STAU2: variants seen among roughly 807,000 people sequenced by gnomAD.
STAU2 encodes staufen double-stranded RNA binding protein 2, also known as double-stranded RNA-binding protein Staufen homolog 2.
STAU2 carries 20 observed loss-of-function variants against 65.9 expected under a neutral mutation model. That is an observed-to-expected ratio of 0.30 (90% CI 0.21 to 0.44). The LOEUF is 0.44. Ranked by LOEUF, STAU2 falls within the 20% of genes least tolerant of loss-of-function variation. STAU2 has a pLI of 1.00. For missense variants in STAU2, 558 were observed against 683.9 expected, an observed-to-expected ratio of 0.82 and a Z score of 2.05; for synonymous variants, 232 against 233.9, an observed-to-expected ratio of 0.99 and a Z score of 0.07.
Position 73,603,844 on chromosome 8 carries a change from T to C in STAU2, c.911A>G (p.Gln304Arg), listed in dbSNP as rs1414169770. ...CAGGCGGCTAATAGGGTTCATCCCTTGGCCATATTCTGGTCCGGCCTAAAA... is the reference window on the plus strand; with the variant it reads ...CAGGCGGCTAATAGGGTTCATCCCTCGGCCATATTCTGGTCCGGCCTAAAA... ...TIVKAGPEYG[Q>R]GMNPISRLAQ... The change falls in exon 10 of 15, where the codon CAA becomes CGA. Residue 304 changes from glutamine (Q) to arginine (R), a missense_variant. By Grantham distance (43) the Gln-to-Arg change is conservative. Around this residue, in one of 3 missense-constraint regions of STAU2, gnomAD observed 199 missense variants for 299.5 expected, o/e 0.66. Coordinates refer to ENST00000524300, the MANE Select transcript of STAU2 (RefSeq NM_001164380.2). The C allele has an allele frequency of 2.5e-6, 4 of 1,609,904 alleles. No individual in the cohort carries two copies. The African/African-American group carries it at 5.4e-5, about 22-fold the overall frequency.
chr8:73,507,706 A>G (rs759321455), intron 13 of STAU2, among the ~76,000 whole-genome samples: 1 of 152,202 alleles, frequency 6.6e-6, no homozygotes, highest in African/African-American at 2.4e-5. Flanking sequence ...TCTAGCTATG[A>G]AAATCCCAGA....
At chr8:73,491,570 A>T (rs1461718319) in intron 13 of STAU2, among the ~76,000 whole-genome samples, 3 of 152,012 alleles carry the variant, frequency 2.0e-5, no homozygotes, top group Non-Finnish European at 4.4e-5. Context: ...GGGTTTAGAC[A>T]TATTTTTTAA....
intron 3 of STAU2, among the ~76,000 whole-genome samples, chr8:73,729,814 A>G (rs1278252844): frequency 6.6e-6 from 1 of 152,204 alleles, no homozygotes; most frequent in Non-Finnish European, 1.5e-5. Context: ...TAGGTTATCT[A>G]ATCTGTGCAT....
intron 6 of STAU2, among the ~76,000 whole-genome samples, chr8:73,657,780 GAGGT>G (rs1816492097): frequency 6.6e-6 from 1 of 152,094 alleles, no homozygotes; most frequent in Admixed American, 6.5e-5. Flanking sequence ...TTGGGAGGCC[GAGGT>G]AGGCAGATCA....
intron 13 of STAU2, among the ~76,000 whole-genome samples, chr8:73,473,724 T>C (rs1348160465): frequency 1.3e-5 from 2 of 152,190 alleles, no homozygotes; most frequent in African/African-American, 2.4e-5. Flanking sequence ...CACCTCCTAA[T>C]ACAGCACCAT....
At chr8:73,478,044 A>AT (rs201453745) in intron 13 of STAU2, among the ~76,000 whole-genome samples, 274 of 142,088 alleles carry the variant, frequency 1.9e-3, no homozygotes, top group African/African-American at 7.5e-3. Flanking sequence ...GTATATATAT[A>AT]TATTTTTTTT....
At position 73,627,973 on chromosome 8, in the gene STAU2, C is replaced by T. The variant is rs568594487; in HGVS notation, c.411-10522G>A. On this transcript the variant is annotated intron_variant, in intron 6 of 14. Transcript: ENST00000524300. Reference sequence around the variant, plus strand: ...ACCAGTTGAAAATTATTATACTTTTCATGAAATATAGCATATCTGTGTACT... The same window carrying T: ...ACCAGTTGAAAATTATTATACTTTTTATGAAATATAGCATATCTGTGTACT... 2.8e-4 allele frequency among the ~76,000 whole-genome samples: 43 copies of T among 152,082 alleles called. 1 individual carries two copies. In the South Asian group the frequency reaches 8.9e-3, roughly 32 times the overall value.
chr8:73,469,743 A>G (rs1819874964), intron 13 of STAU2, among the ~76,000 whole-genome samples: 1 of 152,160 alleles, frequency 6.6e-6, no homozygotes, highest in African/African-American at 2.4e-5. Flanking sequence ...AAGAACTCAC[A>G]AAAAAATATC....
intron 5 of STAU2, among the ~76,000 whole-genome samples, chr8:73,687,342 AT>A (rs1818964331): frequency 1.2e-5 from 1 of 86,928 alleles, no homozygotes; most frequent in Non-Finnish European, 2.1e-5. Context: ...TATAATTTAT[AT>A]TTATAATTTA....
intron 13 of STAU2, among the ~76,000 whole-genome samples, chr8:73,503,663 T>C (rs1585888917): frequency 6.6e-6 from 1 of 152,198 alleles, no homozygotes; most frequent in Middle Eastern, 3.4e-3. Flanking sequence ...ATTAATCACT[T>C]CTTGGCCTTT....
At chr8:73,444,391 A>G (rs1410446843) in intron 13 of STAU2, among the ~76,000 whole-genome samples, 8 of 144,196 alleles carry the variant, frequency 5.5e-5, no homozygotes, top group African/African-American at 2.1e-4. Flanking sequence ...AAGCAACAAC[A>G]AGAGCAAAAC....
At chr8:73,677,344 A>ATAGTTATGGGAATATAACTAT (rs1300454411) in intron 5 of STAU2, among the ~76,000 whole-genome samples, 2 of 152,184 alleles carry the variant, frequency 1.3e-5, no homozygotes, top group Non-Finnish European at 2.9e-5. Context: ...CAACAGTTCC[A>ATAGTTATGGGAATATAACTAT]ATCCTAGATA....
At chr8:73,455,776 A>G (rs555755216) in intron 13 of STAU2, among the ~76,000 whole-genome samples, 1 of 152,030 alleles carries the variant, frequency 6.6e-6, no homozygotes, top group South Asian at 2.1e-4. Context: ...TTTTTTTATC[A>G]CACTGATAAT....
chr8:73,745,658 T>C (rs1807216401), intron 1 of STAU2, among the ~76,000 whole-genome samples: 1 of 152,218 alleles, frequency 6.6e-6, no homozygotes, highest in Non-Finnish European at 1.5e-5. Context: ...TTCTGCAGGA[T>C]CCACCCACTT....
intron 6 of STAU2, among the ~76,000 whole-genome samples, chr8:73,640,427 C>T (rs1033692994): frequency 1.1e-4 from 16 of 152,090 alleles, no homozygotes; most frequent in African/African-American, 3.6e-4. Flanking sequence ...TTCATTAATA[C>T]AGACTAGAGG....
At chr8:73,595,884 C>T (rs1811144913) in intron 10 of STAU2, among the ~76,000 whole-genome samples, 1 of 152,060 alleles carries the variant, frequency 6.6e-6, no homozygotes, top group Non-Finnish European at 1.5e-5. Context: ...GAGGCCAAGG[C>T]AGGAGGATCA....
At chr8:73,662,599 T>TTGTTGTTGTTGTTG (rs1816911898) in intron 6 of STAU2, among the ~76,000 whole-genome samples, 2 of 150,700 alleles carry the variant, frequency 1.3e-5, no homozygotes, top group African/African-American at 4.9e-5. Context: ...TTCAGGGGTT[T>TTGTTGTTGTTGTTG]TTGTTGTTGT....
rs34533172 is a variant in STAU2, at chr8:73,591,882, T to TAAAAAAAAAA, written c.1161+3274_1161+3283dup. Among the ~76,000 whole-genome samples the TAAAAAAAAAA allele has an allele frequency of 5.3e-4, 15 of 28,472 alleles. 1 individual carries two copies. Among genetic ancestry groups the TAAAAAAAAAA allele is most frequent in the South Asian group, 2.3e-3 (1 of 440 alleles). 18.7% of individuals were successfully genotyped at this position (28,472 alleles called of 152,430 possible). A position where few individuals can be genotyped will look rare whatever the true frequency, so the allele number is the denominator to read the frequency against. ...ACCCATACAGCGTGTATCCCAGAGG[T>TAAAAAAAAAA]AAAAAAAAAAAAAAAAAAAAAAAAA... On this transcript the variant is annotated intron_variant, in intron 11 of 14. Transcript: ENST00000524300.
intron 4 of STAU2, among the ~76,000 whole-genome samples, chr8:73,698,863 G>A (rs777094345): frequency 6.9e-6 from 1 of 144,376 alleles, no homozygotes; most frequent in East Asian, 2.0e-4. Flanking sequence ...TTTTCTCCTC[G>A]ACACATGGAT....
Sources: allele counts gnomAD v4.1 joint callset (sites outside exome capture counted in the v4.1 genomes callset), GRCh38; gene constraint gnomAD v4.1.1; regional missense constraint gnomAD v4.1.1; transcripts MANE v1.5; gene names NCBI Gene and HGNC (gene_info 2026-07-23, HGNC 2026-07-21).